The following GRAP variants were observed in gnomAD, a reference collection of about 807,000 sequenced individuals.
GRAP encodes the protein GRB2-related adapter protein.
GRAP carries 2 observed loss-of-function variants against 9.1 expected under a neutral mutation model. That is an observed-to-expected ratio of 0.22 (90% CI 0.09 to 0.69). The LOEUF (loss-of-function observed/expected upper bound fraction) is 0.69, where lower values mean the gene tolerates loss of function less well. GRAP is among the 30% of genes least tolerant of loss of function. The pLI, the probability that GRAP is intolerant of heterozygous loss-of-function variation, is 0.81. For missense variants in GRAP, 113 were observed against 179.4 expected (o/e 0.63, Z 2.12); for synonymous variants, 68 against 73.6 (o/e 0.92, Z 0.39).
At chr17:19,049,768 AC>A (rs1301205989), upstream of GRAP, among the ~76,000 whole-genome samples, 1 of 143,478 alleles carries the variant, frequency 7.0e-6, no homozygotes, top group Non-Finnish European at 1.6e-5. Context: ...ACATAGTGAA[AC>A]CCCGTCTCTA....
chr17:19,024,096 C>G lies in GRAP; in HGVS notation c.468+119G>C. 9.7e-7 allele frequency: 1 copy of G among 1,026,284 alleles called. No individual in the cohort carries two copies. The highest frequency in any genetic ancestry group is 1.6e-5 in the South Asian group (1 of 63,844). 63.6% of individuals were successfully genotyped at this position (1,026,284 alleles called of 1,614,324 possible). A position where few individuals can be genotyped will look rare whatever the true frequency, so the allele number is the denominator to read the frequency against. The stretch of plus-strand genomic sequence containing the variant: ...CCTGGGCTGGACGCCTCTTGCAATA[C>G]CAGGCTGCTGGGGAAGTGAGACCAG... On this transcript the variant is annotated intron_variant, in intron 4 of 4. Transcript: ENST00000284154. This position sits in a 1 kb window ranked among gnomAD's most constrained non-coding sequence, Gnocchi z 4.2.
chr17:19,021,867 G>A lies in GRAP; in HGVS notation c.*92C>T, dbSNP rs180846047. The A allele has an allele frequency of 3.8e-6, 5 of 1,318,750 alleles. No homozygotes were observed. The highest frequency in any genetic ancestry group is 3.4e-5 in the Admixed American group (1 of 29,514). The allele number at this position is 1,318,750 out of a possible 1,614,324, so 81.7% of individuals were successfully genotyped here. A position where few individuals can be genotyped will look rare whatever the true frequency, so the allele number is the denominator to read the frequency against. ...AGTCCAAGGCCGTCCACTGAGCCCCGTGTGACTCTGACAGAGCTGGGGGTG... is the reference window on the plus strand; with the variant it reads ...AGTCCAAGGCCGTCCACTGAGCCCCATGTGACTCTGACAGAGCTGGGGGTG... On this transcript the variant is annotated 3_prime_UTR_variant, in exon 5 of 5. Coordinates refer to ENST00000284154, the MANE Select transcript of GRAP (RefSeq NM_006613.4). The surrounding 1 kb of genome is among the most constrained non-coding windows in gnomAD (Gnocchi z 4.1).
chr17:19,025,062 A>G (rs1161611715), intron 3 of GRAP, among the ~76,000 whole-genome samples: 1 of 152,190 alleles, frequency 6.6e-6, no homozygotes, highest in African/African-American at 2.4e-5. Flanking sequence ...TCTCCGATGA[A>G]GCAAGCAGGC....
chr17:19,023,386 C>CT (rs2044288261), intron 4 of GRAP, among the ~76,000 whole-genome samples: 1 of 152,124 alleles, frequency 6.6e-6, no homozygotes, highest in African/African-American at 2.4e-5. Flanking sequence ...AGCCTCTCCC[C>CT]AGGCCTTGGC....
rs2044302133 is a variant in GRAP at position 19,024,988 on chromosome 17, T to C, written c.300-605A>G. ...CTTCTCCCTTGGCCTCAGGGTAAAC[T>C]CTTAACACTTCAGACTCAAGATCTG... On this transcript the variant is annotated intron_variant, in intron 3 of 4. Coordinates refer to ENST00000284154, the MANE Select transcript of GRAP (RefSeq NM_006613.4). The surrounding 1 kb of genome is among the most constrained non-coding windows in gnomAD (Gnocchi z 4.2). Among the ~76,000 whole-genome samples the C allele has an allele frequency of 1.3e-5, 2 of 152,030 alleles. No individual in the cohort carries two copies. The highest frequency in any genetic ancestry group is 2.9e-5 in the Non-Finnish European group (2 of 68,008).
In GRAP at chr17:19,021,885, T is replaced by TG; in HGVS notation, c.*73dup. The TG allele has an allele frequency of 7.2e-7, 1 of 1,391,070 alleles. No homozygotes were observed. The highest frequency in any genetic ancestry group is 9.4e-7 in the Non-Finnish European group (1 of 1,063,850). 86.2% of individuals were successfully genotyped at this position (1,391,070 alleles called of 1,614,324 possible). ...GAGCCCCGTGTGACTCTGACAGAGCTGGGGGTGTCCATGTCCTCTCTGGAC... is the reference window on the plus strand; with the variant it reads ...GAGCCCCGTGTGACTCTGACAGAGCTGGGGGGTGTCCATGTCCTCTCTGGAC... On this transcript the variant is annotated 3_prime_UTR_variant, in exon 5 of 5. Transcript: ENST00000284154. This position sits in a 1 kb window ranked among gnomAD's most constrained non-coding sequence, Gnocchi z 4.1.
At position 19,024,319 on chromosome 17, in the gene GRAP, C is replaced by T; in HGVS notation, c.364G>A (p.Glu122Lys). The T allele has an allele frequency of 1.9e-6, 3 of 1,611,548 alleles. No individual in the cohort carries two copies. Among genetic ancestry groups the T allele is most frequent in the South Asian group, 1.1e-5 (1 of 90,516 alleles). ...REASGKYFLW[E>K]EKFNSLNELV... The stretch of plus-strand genomic sequence containing the variant: ...TCGTTGAGGGAGTTGAACTTCTCCT[C>T]CCACAGGAAGTACTTCCCCGAGGCC... Residue 122 changes from glutamate (E) to lysine (K), a missense_variant, in exon 4 of 5, where the codon GAG becomes AAG. Physicochemically the swap from Glu to Lys is moderately conservative, Grantham distance 56. Transcript: ENST00000284154. This position sits in a 1 kb window ranked among gnomAD's most constrained non-coding sequence, Gnocchi z 4.2.
In GRAP at chr17:19,024,880, C is replaced by G. The variant is rs1366088891; in HGVS notation, c.300-497G>C. On this transcript the variant is annotated intron_variant, in intron 3 of 4. Transcript: ENST00000284154. The surrounding 1 kb of genome is among the most constrained non-coding windows in gnomAD (Gnocchi z 4.2). The stretch of plus-strand genomic sequence containing the variant: ...GGAGCAAGTCCTAGACTCATCCTGA[C>G]TCAGACCAAAGCCTACTGCTATGAG... 6.6e-6 allele frequency among the ~76,000 whole-genome samples: 1 copy of G among 152,138 alleles called. No individual in the cohort carries two copies. Among genetic ancestry groups the G allele is most frequent in the African/African-American group, 2.4e-5 (1 of 41,414 alleles).
chr17:19,022,100 G>A lies in GRAP; in HGVS notation c.513C>T (p.Ala171=), dbSNP rs2044274386. ...CFAQAQFDFS[A]QDPSQLSFRR... is the part of the protein sequence containing the mutation. ...GGAAGCTGAGCTGCGAGGGGTCCTG[G>A]GCTGAGAAGTCAAACTGGGCCTGGG... The change falls in exon 5 of 5, where the codon GCC becomes GCT. Residue 171 remains alanine, a synonymous_variant. Transcript: ENST00000284154. 3 of 1,573,572 alleles carry A rather than the reference G, an allele frequency of 1.9e-6. No homozygotes were observed. The highest frequency in any genetic ancestry group is 1.4e-5 in the African/African-American group (1 of 73,190).
Position 19,024,759 on chromosome 17 carries a change from G to A in GRAP, c.300-376C>T, listed in dbSNP as rs1206617700. On this transcript the variant is annotated intron_variant, in intron 3 of 4. Coordinates refer to ENST00000284154, the MANE Select transcript of GRAP (RefSeq NM_006613.4). The surrounding 1 kb of genome is among the most constrained non-coding windows in gnomAD (Gnocchi z 4.2). The stretch of plus-strand genomic sequence containing the variant: ...AAATGGGTACCTCTGAGTGTGTCGT[G>A]ATCAGAGAGCATCTCCTTCACATCT... Among the ~76,000 whole-genome samples the A allele has an allele frequency of 1.3e-5, 2 of 152,134 alleles. No homozygotes were observed. Among genetic ancestry groups the A allele is most frequent in the East Asian group, 3.9e-4 (2 of 5,172 alleles).
chr17:19,025,638 A>AGTCTC (rs2044309809), intron 3 of GRAP, among the ~76,000 whole-genome samples: 1 of 136,426 alleles, frequency 7.3e-6, no homozygotes, highest in African/African-American at 2.9e-5. Flanking sequence ...TTTGAGGCGT[A>AGTCTC]GTCTCGCTCT....
chr17:19,050,887 T>TGAA (rs1216134160), upstream of GRAP, among the ~76,000 whole-genome samples: 1 of 152,180 alleles, frequency 6.6e-6, no homozygotes, highest in Non-Finnish European at 1.5e-5. Flanking sequence ...TGTGTCTACT[T>TGAA]GAAATACAAA....
At chr17:19,022,419 G>A in intron 4 of GRAP, 1 of 368,270 alleles carries the variant, frequency 2.7e-6, no homozygotes, top group Non-Finnish European at 4.8e-6. Context: ...CAGGGGACCT[G>A]AGTCCTGGTC....
In GRAP at chr17:19,021,883, G is replaced by A; in HGVS notation, c.*76C>T. 1 of 1,386,732 alleles carries A rather than the reference G, an allele frequency of 7.2e-7. No homozygotes were observed. Among genetic ancestry groups the A allele is most frequent in the Non-Finnish European group, 9.4e-7 (1 of 1,060,184 alleles). The allele number at this position is 1,386,732 out of a possible 1,614,324, so 85.9% of individuals were successfully genotyped here. Reference sequence around the variant, plus strand: ...CTGAGCCCCGTGTGACTCTGACAGAGCTGGGGGTGTCCATGTCCTCTCTGG... The same window carrying A: ...CTGAGCCCCGTGTGACTCTGACAGAACTGGGGGTGTCCATGTCCTCTCTGG... On this transcript the variant is annotated 3_prime_UTR_variant, in exon 5 of 5. Coordinates refer to ENST00000284154, the MANE Select transcript of GRAP (RefSeq NM_006613.4). This position sits in a 1 kb window ranked among gnomAD's most constrained non-coding sequence, Gnocchi z 4.1.
rs1344691362 is a variant in GRAP, at chr17:19,020,710, C to T, written c.*1249G>A. 9 of 472,598 alleles carry T rather than the reference C, an allele frequency of 1.9e-5. No homozygotes were observed. The highest frequency in any genetic ancestry group is 3.9e-5 in the African/African-American group (2 of 51,106). The allele number at this position is 472,598 out of a possible 1,614,324, so 29.3% of individuals were successfully genotyped here. On this transcript the variant is annotated 3_prime_UTR_variant, in exon 5 of 5. Transcript: ENST00000284154. ...ATCCTGATGTTGGTTTTACTGTTTT[C>T]GTTTTGAATACACAGGCTGGGTCAG...
Position 19,024,305 on chromosome 17 carries a change from G to A in GRAP, c.378C>T (p.Asn126=), listed in dbSNP as rs1357546105. ...AGAAGTCGACCAGCTCGTTGAGGGA[G>A]TTGAACTTCTCCTCCCACAGGAAGT... ...GKYFLWEEKF[N]SLNELVDFYR... is the part of the protein sequence containing the mutation. Residue 126 remains asparagine (N), a synonymous_variant, in exon 4 of 5, where the codon AAC becomes AAT. Coordinates refer to ENST00000284154, the MANE Select transcript of GRAP (RefSeq NM_006613.4). This position sits in a 1 kb window ranked among gnomAD's most constrained non-coding sequence, Gnocchi z 4.2. 6.2e-7 allele frequency: 1 copy of A among 1,611,004 alleles called. No homozygotes were observed. The highest frequency in any genetic ancestry group is 1.1e-5 in the South Asian group (1 of 90,430).
upstream of GRAP, among the ~76,000 whole-genome samples, chr17:19,048,159 CAAAAAAAAA>C (rs1172041782): frequency 9.2e-6 from 1 of 109,042 alleles, no homozygotes; most frequent in Non-Finnish European, 2.0e-5. Context: ...GTCTCCTTCT[CAAAAAAAAA>C]AAAAAAAAAA....
chr17:19,023,639 C>A (rs940975623), intron 4 of GRAP, among the ~76,000 whole-genome samples: 1 of 115,044 alleles, frequency 8.7e-6, no homozygotes, highest in African/African-American at 3.3e-5. Context: ...CGACCCCCCA[C>A]CCCCCACCCC....
chr17:19,043,457 T>C (rs2152175747), intron 1 of GRAP, among the ~76,000 whole-genome samples: 1 of 152,374 alleles, frequency 6.6e-6, no homozygotes, highest in East Asian at 1.9e-4. Context: ...AAACCCCGTC[T>C]CTACTAAAAA....
Sources: allele counts gnomAD v4.1 joint callset (sites outside exome capture counted in the v4.1 genomes callset), GRCh38; gene constraint gnomAD v4.1.1; non-coding constraint Gnocchi (gnomAD v3.1); transcripts MANE v1.5; gene names NCBI Gene and HGNC (gene_info 2026-07-23, HGNC 2026-07-21).